The following CRYBG3 variants were observed in gnomAD, a reference collection of about 807,000 sequenced individuals.
The protein encoded by CRYBG3 is very large A-kinase anchor protein.
CRYBG3 carries 127 observed loss-of-function variants against 244.2 expected under a neutral mutation model. The observed-to-expected ratio is 0.52, with a 90% confidence interval of 0.45 to 0.60. CRYBG3 has a LOEUF of 0.60. CRYBG3 is among the 20% of genes least tolerant of loss of function. CRYBG3 has a pLI of 0.00. For synonymous variants in CRYBG3, 1,132 were observed against 1,195.8 expected, an observed-to-expected ratio of 0.95 and a Z score of 1.10; for missense variants, 3,325 against 3,442.5, an observed-to-expected ratio of 0.97 and a Z score of 0.85.
At chr3:97,882,321 A>G (rs1469384148) in intron 7 of CRYBG3, among the ~76,000 whole-genome samples, 3 of 152,072 alleles carry the variant, frequency 2.0e-5, no homozygotes, top group African/African-American at 7.2e-5. Context: ...TTCCTTATTG[A>G]TTTCCAGATA....
At chr3:97,894,566 C>T (rs904259682) in intron 11 of CRYBG3, among the ~76,000 whole-genome samples, 3 of 152,134 alleles carry the variant, frequency 2.0e-5, no homozygotes, top group Admixed American at 2.0e-4. Context: ...TTTAAATATA[C>T]CAGATGGATA....
Position 97,874,942 on chromosome 3 carries a change from G to A in CRYBG3, c.3748G>A (p.Glu1250Lys). The change falls in exon 4 of 22, where the codon GAA becomes AAA. Residue 1250 changes from glutamate (E) to lysine (K), a missense_variant. Transcript: ENST00000389622. The stretch of plus-strand genomic sequence containing the variant: ...AGACATCTCTGAGAAAAACCCATCA[G>A]AAGTGACACTAACAGAAATACAACA... ...KEDISEKNPSEVTLTEIQQTE... is the reference protein window; with the variant it reads ...KEDISEKNPSKVTLTEIQQTE... The A allele has an allele frequency of 2.0e-6, 3 of 1,535,954 alleles. No homozygotes were observed. The highest frequency in any genetic ancestry group is 2.6e-6 in the Non-Finnish European group (3 of 1,146,822).
At position 97,872,828 on chromosome 3, in the gene CRYBG3, T is replaced by C. The variant is rs2039321874; in HGVS notation, c.1634T>C (p.Val545Ala). 6.5e-7 allele frequency: 1 copy of C among 1,535,878 alleles called. No homozygotes were observed. Among genetic ancestry groups the C allele is most frequent in the African/African-American group, 1.4e-5 (1 of 73,044 alleles). The change falls in exon 4 of 22, where the codon GTA becomes GCA. Residue 545 changes from valine to alanine, a missense_variant. Coordinates refer to ENST00000389622, the MANE Select transcript of CRYBG3 (RefSeq NM_153605.4). ...GGTGAATCCATAGCTTCAAGTCATG[T>C]AAAAGCTCCAGAAGATAAAATTGAG... ...SAGESIASSH[V>A]KAPEDKIESL...
rs1439591767 is a variant in CRYBG3, at chr3:97,943,284, A to C, written c.8883A>C (p.Glu2961Asp). The C allele has an allele frequency of 6.3e-7, 1 of 1,590,090 alleles. No individual in the cohort carries two copies. The change falls in exon 22 of 22, where the codon GAA (glutamate) becomes GAC (aspartate). Residue 2961 changes from glutamate (E) to aspartate (D), a missense_variant. Transcript: ENST00000389622. ...TAAATCAGCCCCTGGAGGGAGAAGA[A>C]ACACAGAAATGGGACATTGAAATAT... The part of the protein sequence containing the change: ...VIVNQPLEGE[E>D]TQKWDIEIL
chr3:97,888,130 G>T (rs1214221752), intron 8 of CRYBG3, among the ~76,000 whole-genome samples: 3 of 152,166 alleles, frequency 2.0e-5, no homozygotes, highest in African/African-American at 7.2e-5. Context: ...TTATAGGACA[G>T]ATAGCTTATT....
At chr3:97,851,366 C>A (rs1207684149) in intron 2 of CRYBG3, among the ~76,000 whole-genome samples, 3 of 152,102 alleles carry the variant, frequency 2.0e-5, no homozygotes, top group African/African-American at 4.8e-5. Context: ...ATTTTAGTTA[C>A]CGTTAATAAC....
intron 1 of CRYBG3, among the ~76,000 whole-genome samples, 169 bp downstream of exon 1, chr3:97,822,524 C>G (rs1046906886): frequency 1.9e-4 from 29 of 152,246 alleles, no homozygotes; most frequent in Non-Finnish European, 1.0e-4. Flanking sequence ...GCCCCGTTCC[C>G]GTGCCGCACT....
At chr3:97,905,319 A>C (rs1398516640) in intron 15 of CRYBG3, among the ~76,000 whole-genome samples, 1 of 151,822 alleles carries the variant, frequency 6.6e-6, no homozygotes, top group Non-Finnish European at 1.5e-5. Flanking sequence ...GAATCGCCAC[A>C]CTGACTTCCA....
At chr3:97,926,426 A>G (rs1413620793) in intron 17 of CRYBG3, among the ~76,000 whole-genome samples, 1 of 152,048 alleles carries the variant, frequency 6.6e-6, no homozygotes, top group Admixed American at 6.6e-5. Context: ...ATCACAAAAT[A>G]ATAAAGAGAC....
intron 17 of CRYBG3, among the ~76,000 whole-genome samples, chr3:97,923,819 G>C (rs1180910101): frequency 6.6e-6 from 1 of 151,992 alleles, no homozygotes; most frequent in Non-Finnish European, 1.5e-5. Context: ...AACATTGAGA[G>C]ATACAATCTT....
At chr3:97,916,254 C>A (rs2039928174) in intron 17 of CRYBG3, among the ~76,000 whole-genome samples, 1 of 152,126 alleles carries the variant, frequency 6.6e-6, no homozygotes, top group African/African-American at 2.4e-5. Flanking sequence ...GACAGTTTGT[C>A]TGCTACTAAG....
chr3:97,931,489 C>A (rs1473098675), intron 17 of CRYBG3, among the ~76,000 whole-genome samples: 1 of 152,040 alleles, frequency 6.6e-6, no homozygotes, highest in African/African-American at 2.4e-5. Flanking sequence ...TTTCCATTTT[C>A]TTATCCATGG....
At chr3:97,912,018 C>T (rs2108250673) in intron 15 of CRYBG3, 149 bp from the exon 16 acceptor site, 1 of 471,102 alleles carries the variant, frequency 2.1e-6, no homozygotes, top group East Asian at 3.4e-5. Context: ...ATATCATTAT[C>T]CCTAACATGA....
Position 97,943,395 on chromosome 3 carries a change from GA to G in CRYBG3, c.*83del. 1.3e-6 allele frequency: 1 copy of G among 798,062 alleles called. No homozygotes were observed. The highest frequency in any genetic ancestry group is 2.6e-5 in the East Asian group (1 of 37,934). 49.4% of individuals were successfully genotyped at this position (798,062 alleles called of 1,614,324 possible). A position where few individuals can be genotyped will look rare whatever the true frequency, so the allele number is the denominator to read the frequency against. ...GTCATTGTCTTGTGGACGTGGAAAG[GA>G]AGCTACTGTCCTCACACTCCTGGAT... On this transcript the variant is annotated 3_prime_UTR_variant, in exon 22 of 22. Transcript: ENST00000389622.
chr3:97,943,108 T>C (rs1357218794), intron 21 of CRYBG3, 118 bp from the exon 22 acceptor site: 1 of 624,710 alleles, frequency 1.6e-6, no homozygotes, highest in African/African-American at 1.9e-5. Flanking sequence ...TCAGACTTCT[T>C]TGTAAATGAC....
Position 97,877,704 on chromosome 3 carries a change from T to C in CRYBG3, c.6510T>C (p.Arg2170=). ...KGDLRAGSGE[R]VTFQLPDPSI... is the part of the protein sequence containing the mutation. ...ATCTGAGAGCTGGAAGTGGGGAGCG[T>C]GTTACCTTCCAGTTGCCAGATCCTT... The change falls in exon 4 of 22, where the codon CGT becomes CGC. Residue 2170 remains arginine (R), a synonymous_variant. Coordinates refer to ENST00000389622, the MANE Select transcript of CRYBG3 (RefSeq NM_153605.4). 1 of 1,614,006 alleles carries C rather than the reference T, an allele frequency of 6.2e-7. No homozygotes were observed. The highest frequency in any genetic ancestry group is 8.5e-7 in the Non-Finnish European group (1 of 1,179,990).
At chr3:97,833,800 G>A (rs551746458) in intron 1 of CRYBG3, among the ~76,000 whole-genome samples, 4 of 152,258 alleles carry the variant, frequency 2.6e-5, no homozygotes, top group Admixed American at 1.3e-4. Flanking sequence ...AGGAATACCT[G>A]AGGGTGGGTA....
chr3:97,875,918 A>G lies in CRYBG3; in HGVS notation c.4724A>G (p.Lys1575Arg). The G allele has an allele frequency of 8.1e-7, 1 of 1,232,096 alleles. No individual in the cohort carries two copies. The highest frequency in any genetic ancestry group is 1.0e-6 in the Non-Finnish European group (1 of 987,940). 76.3% of individuals were successfully genotyped at this position (1,232,096 alleles called of 1,614,324 possible). A position where few individuals can be genotyped will look rare whatever the true frequency, so the allele number is the denominator to read the frequency against. The change falls in exon 4 of 22, where the codon AAA becomes AGA. Residue 1575 changes from lysine (K) to arginine (R), a missense_variant. By Grantham distance (26) the Lys-to-Arg change is conservative. This residue lies in a region of CRYBG3 where 635 missense variants were observed against 771.7 expected (regional missense o/e 0.82). Coordinates refer to ENST00000389622, the MANE Select transcript of CRYBG3 (RefSeq NM_153605.4). The stretch of plus-strand genomic sequence containing the variant: ...ATGATAGAAATGGGAAGAATACATA[A>G]AATGGATGCTGAATTGAATGTCACG... ...PPMIEMGRIHKMDAELNVTKT... is the reference protein window; with the variant it reads ...PPMIEMGRIHRMDAELNVTKT...
chr3:97,878,082 T>G (rs1160795058), intron 4 of CRYBG3, 45 bp downstream of exon 4: 1 of 1,489,514 alleles, frequency 6.7e-7, no homozygotes, highest in East Asian at 2.3e-5. Context: ...ATTAAAGCTT[T>G]GGGTCACGAA....
Sources: allele counts gnomAD v4.1 joint callset (sites outside exome capture counted in the v4.1 genomes callset), GRCh38; gene constraint gnomAD v4.1.1; regional missense constraint gnomAD v4.1.1; transcripts MANE v1.5; gene names NCBI Gene and HGNC (gene_info 2026-07-23, HGNC 2026-07-21).